The following RARB variants were observed in gnomAD, a reference collection of about 807,000 sequenced individuals.
The protein encoded by RARB is retinoic acid receptor beta, also known as HBV-activated protein.
Under a neutral mutation model 51.9 loss-of-function variants are expected in RARB, and 17 were observed. The observed-to-expected ratio is 0.33, with a 90% CI of 0.22 to 0.49. The LOEUF (loss-of-function observed/expected upper bound fraction) is 0.49. RARB is among the 20% of genes least tolerant of loss of function. The pLI is 0.99. For synonymous variants in RARB, 215 were observed against 195.4 expected (o/e 1.10, Z -0.84); for missense variants, 369 against 550.8 (o/e 0.67, Z 3.30).
chr3:24,907,166 G>T (rs1307371872), intron 2 of RARB, among the ~76,000 whole-genome samples: 2 of 152,132 alleles, frequency 1.3e-5, no homozygotes, highest in Non-Finnish European at 2.9e-5. Context: ...AGGGCCATGG[G>T]CAAACCCCTG....
chr3:25,121,461 A>G (rs959390481), intron 3 of RARB, among the ~76,000 whole-genome samples: 1 of 152,314 alleles, frequency 6.6e-6, no homozygotes, highest in East Asian at 1.9e-4. Flanking sequence ...ATGTATAAAC[A>G]ACCCAGTAAA....
At chr3:24,909,144 T>A (rs1225311508) in intron 2 of RARB, among the ~76,000 whole-genome samples, 1 of 152,182 alleles carries the variant, frequency 6.6e-6, no homozygotes, top group African/African-American at 2.4e-5. Flanking sequence ...TCTCTGAGGT[T>A]AAAAGCAAGT....
intron 5 of RARB, among the ~76,000 whole-genome samples, chr3:25,412,594 A>C (rs981672165): frequency 6.6e-6 from 1 of 152,166 alleles, no homozygotes; most frequent in African/African-American, 2.4e-5. Context: ...TCATCTGTCC[A>C]CTCTATTTTT....
At chr3:25,163,501 C>CAAAAAAAA (rs1385452358) in intron 4 of RARB, among the ~76,000 whole-genome samples, 9 of 78,694 alleles carry the variant, frequency 1.1e-4, no homozygotes, top group African/African-American at 4.0e-4. Context: ...GACCCTATCT[C>CAAAAAAAA]AAAATATATA....
intron 5 of RARB, among the ~76,000 whole-genome samples, chr3:25,380,160 A>G (rs1706582230): frequency 6.6e-6 from 1 of 152,220 alleles, no homozygotes; most frequent in South Asian, 2.1e-4. Flanking sequence ...AAAGGGAAAG[A>G]ATAAACAGTG....
intron 2 of RARB, among the ~76,000 whole-genome samples, chr3:24,978,532 T>A (rs1055984654): frequency 3.3e-5 from 5 of 152,202 alleles, no homozygotes; most frequent in Non-Finnish European, 7.3e-5. Flanking sequence ...ATTTTCTAAT[T>A]TATTTGCATA....
At chr3:25,368,438 C>A (rs1345788879) in intron 5 of RARB, among the ~76,000 whole-genome samples, 3 of 152,076 alleles carry the variant, frequency 2.0e-5, no homozygotes, top group Non-Finnish European at 4.4e-5. Flanking sequence ...GATGTATATT[C>A]CATATACAGC....
rs1024151878 is a variant in RARB, at chr3:25,297,785, T to C, written c.178+123210T>C. On this transcript the variant is annotated intron_variant, in intron 5 of 11. Transcript: ENST00000383772. ...GACAAGACAAATCATTGGAAGAACATTTATCTTTATCCAGGAGGTTGTTTT... is the reference window on the plus strand; with the variant it reads ...GACAAGACAAATCATTGGAAGAACACTTATCTTTATCCAGGAGGTTGTTTT... 2.6e-5 allele frequency among the ~76,000 whole-genome samples: 4 copies of C among 152,254 alleles called. No homozygotes were observed. The East Asian group carries it at 7.7e-4, about 29-fold the overall frequency.
intron 5 of RARB, among the ~76,000 whole-genome samples, chr3:25,213,023 G>A (rs567912492): frequency 3.3e-5 from 5 of 152,084 alleles, no homozygotes; most frequent in Non-Finnish European, 7.4e-5. Context: ...CCAAATTCGC[G>A]TAGTCTTAAA....
chr3:25,195,176 G>A (rs1278782715), intron 5 of RARB, among the ~76,000 whole-genome samples: 1 of 151,860 alleles, frequency 6.6e-6, no homozygotes, highest in Non-Finnish European at 1.5e-5. Context: ...CCTCTCTGTA[G>A]GTCTTGTTAT....
chr3:24,841,813 A>G (rs554370766), intron 1 of RARB, among the ~76,000 whole-genome samples: 22 of 152,214 alleles, frequency 1.4e-4, no homozygotes, highest in Admixed American at 2.6e-4. Context: ...AATAGCATAT[A>G]CACACTGCAC....
At chr3:25,110,347 C>A (rs1699581665) in intron 3 of RARB, among the ~76,000 whole-genome samples, 1 of 152,168 alleles carries the variant, frequency 6.6e-6, no homozygotes, top group South Asian at 2.1e-4. Flanking sequence ...CTCATTTAAG[C>A]CTTGATTTTG....
rs1702850432 is a variant in RARB, at chr3:24,866,444, C to T, written c.-380+7692C>T. ...GCTAATGACCCGTTGTAACACAAGG[C>T]AAGGCACTCTGGATTGTCTTTTCTC... On this transcript the variant is annotated intron_variant, in intron 2 of 11. Coordinates refer to the RARB transcript ENST00000383772. 2.0e-5 allele frequency among the ~76,000 whole-genome samples: 3 copies of T among 152,078 alleles called. No homozygotes were observed. In the South Asian group the frequency reaches 6.2e-4, roughly 31 times the overall value.
rs569848353 is a variant in RARB, at chr3:25,333,640, C to A, written c.179-127553C>A. Among the ~76,000 whole-genome samples, 20 of 152,278 alleles carry A rather than the reference C, an allele frequency of 1.3e-4. No homozygotes were observed. In the South Asian group the frequency reaches 3.7e-3, roughly 28 times the overall value. On this transcript the variant is annotated intron_variant, in intron 5 of 11. Transcript: ENST00000383772. ...GAGCAAGGACTTTATGTCTAAAACA[C>A]CAAAAGCAATGGCAACAAAAGCCAA...
At chr3:25,403,211 G>T (rs1266677713) in intron 5 of RARB, among the ~76,000 whole-genome samples, 1 of 151,436 alleles carries the variant, frequency 6.6e-6, no homozygotes, top group East Asian at 1.9e-4. Context: ...AGCACAACAG[G>T]GTGACTGTAG....
At chr3:25,145,939 T>C (rs562096492) in intron 4 of RARB, among the ~76,000 whole-genome samples, 2 of 151,812 alleles carry the variant, frequency 1.3e-5, no homozygotes, top group Non-Finnish European at 2.9e-5. Flanking sequence ...GAGACAGAGG[T>C]TGCAGTGAGG....
chr3:25,020,900 CAG>C, intron 2 of RARB, among the ~76,000 whole-genome samples: 1 of 152,214 alleles, frequency 6.6e-6, no homozygotes, highest in South Asian at 2.1e-4. Flanking sequence ...GCCAGGGAGT[CAG>C]AGGTTGCAGT....
intron 2 of RARB, among the ~76,000 whole-genome samples, chr3:24,992,833 C>T (rs766512220): frequency 1.3e-5 from 2 of 152,142 alleles, no homozygotes; most frequent in African/African-American, 2.4e-5. Flanking sequence ...AATATAGTCA[C>T]ATTTTGAAGT....
intron 1 of RARB, among the ~76,000 whole-genome samples, chr3:24,856,993 T>C (rs935466116): frequency 1.3e-5 from 2 of 152,206 alleles, no homozygotes; most frequent in Non-Finnish European, 2.9e-5. Flanking sequence ...CTTCTCATTA[T>C]TGAGTTGCTA....
Sources: allele counts gnomAD v4.1 joint callset (sites outside exome capture counted in the v4.1 genomes callset), GRCh38; gene constraint gnomAD v4.1.1; transcripts MANE v1.5; gene names NCBI Gene and HGNC (gene_info 2026-07-23, HGNC 2026-07-21).